Variants in CHRM3 observed in about 807,000 individuals in gnomAD.
CHRM3 encodes the protein muscarinic acetylcholine receptor M3.
A neutral mutation model predicts 41.8 loss-of-function variants in CHRM3; 11 were observed. The ratio of observed to expected loss-of-function variants is 0.26; its 90% confidence interval spans 0.17 to 0.44. The LOEUF (loss-of-function observed/expected upper bound fraction) is 0.44, where lower values mean the gene tolerates loss of function less well. CHRM3 is among the 20% of genes least tolerant of loss of function. The probability of loss-of-function intolerance (pLI) is 1.00; values close to 1 mark genes in which losing one functional copy is unlikely to be tolerated. For missense variants in CHRM3, 571 were observed against 745.4 expected, an observed-to-expected ratio of 0.77 and a Z score of 2.72; for synonymous variants, 297 against 301.4, an observed-to-expected ratio of 0.99 and a Z score of 0.15.
Position 239,690,046 on chromosome 1 carries a change from CAGAG to C in CHRM3, c.-147+11776_-147+11779del, listed in dbSNP as rs772849076. On this transcript the variant is annotated intron_variant, in intron 5 of 6. Coordinates refer to ENST00000676153, the MANE Select transcript of CHRM3 (RefSeq NM_001375978.1). The stretch of plus-strand genomic sequence containing the variant: ...AGAGAGAGAGACAGAGAGAGAGACA[CAGAG>C]AGAGAGAGAGAGAGAGACAGAGAGA... 1.7e-4 allele frequency among the ~76,000 whole-genome samples: 16 copies of C among 93,516 alleles called. 1 individual carries two copies. In the Middle Eastern group the frequency reaches 0.015, roughly 89 times the overall value. The allele number at this position is 93,516 out of a possible 152,430, so 61.4% of individuals were successfully genotyped here.
chr1:239,541,815 T>C (rs1658809637), intron 2 of CHRM3, among the ~76,000 whole-genome samples: 1 of 152,176 alleles, frequency 6.6e-6, no homozygotes, highest in African/African-American at 2.4e-5. Flanking sequence ...GCCCAGCCAA[T>C]TTTTTATATA....
intron 5 of CHRM3, among the ~76,000 whole-genome samples, chr1:239,814,960 G>C (rs1169410344): frequency 6.6e-6 from 1 of 151,894 alleles, no homozygotes; most frequent in Non-Finnish European, 1.5e-5. Flanking sequence ...ATTTTTAGTA[G>C]AGATGGGGTT....
At chr1:239,488,144 A>C (rs1667306037) in intron 1 of CHRM3, among the ~76,000 whole-genome samples, 1 of 152,182 alleles carries the variant, frequency 6.6e-6, no homozygotes, top group Non-Finnish European at 1.5e-5. Flanking sequence ...GTGCAAACTC[A>C]TGGGTAGGCA....
At chr1:239,444,391 C>T (rs1245541463) in intron 1 of CHRM3, among the ~76,000 whole-genome samples, 1 of 152,118 alleles carries the variant, frequency 6.6e-6, no homozygotes, top group Non-Finnish European at 1.5e-5. Context: ...ACATTTCATA[C>T]ACAACTGTAA....
chr1:239,695,350 A>G (rs1660090135), intron 5 of CHRM3, among the ~76,000 whole-genome samples: 1 of 152,128 alleles, frequency 6.6e-6, no homozygotes. Context: ...ATTTTTTAAT[A>G]TTTTGTATAG....
chr1:239,546,083 G>GC (rs1051723960), intron 3 of CHRM3: 10 of 152,212 alleles, frequency 6.6e-5, no homozygotes, highest in African/African-American at 2.2e-4. Context: ...TAGATCTGGT[G>GC]CCAATGTAAG....
chr1:239,836,414 G>A (rs1352678493), intron 6 of CHRM3, among the ~76,000 whole-genome samples: 3 of 152,028 alleles, frequency 2.0e-5, no homozygotes, highest in African/African-American at 4.8e-5. Flanking sequence ...GAATATAAAT[G>A]TATTTCAATT....
chr1:239,779,908 C>G lies in CHRM3; in HGVS notation c.-146-47344C>G, dbSNP rs180908249. ...GTAGTATGTAGCCTTTTCACATTGC[C>G]TTTTTTCCCTTAGTAACATGCATTT... On this transcript the variant is annotated intron_variant, in intron 5 of 6. Coordinates refer to ENST00000676153, the MANE Select transcript of CHRM3 (RefSeq NM_001375978.1). Among the ~76,000 whole-genome samples, 6 of 152,248 alleles carry G rather than the reference C, an allele frequency of 3.9e-5. No individual in the cohort carries two copies. In the East Asian group the frequency reaches 1.2e-3, roughly 29 times the overall value.
intron 2 of CHRM3, among the ~76,000 whole-genome samples, chr1:239,512,839 G>A (rs1214904181): frequency 4.0e-5 from 6 of 151,628 alleles, no homozygotes; most frequent in African/African-American, 1.4e-4. Context: ...TTAGAATCAA[G>A]ACTGTTGAAT....
intron 2 of CHRM3, among the ~76,000 whole-genome samples, chr1:239,530,673 G>A (rs1670341158): frequency 6.6e-6 from 1 of 152,208 alleles, no homozygotes; most frequent in South Asian, 2.1e-4. Context: ...TCCGTAAAGA[G>A]GCAGAAATTA....
chr1:239,551,353 G>C (rs1032366088), intron 3 of CHRM3, among the ~76,000 whole-genome samples: 1 of 151,014 alleles, frequency 6.6e-6, no homozygotes, highest in African/African-American at 2.4e-5. Context: ...GTAGAGACGG[G>C]GTTTCTCCAT....
intron 4 of CHRM3, among the ~76,000 whole-genome samples, chr1:239,660,075 A>C (rs1461750237): frequency 6.6e-6 from 1 of 152,174 alleles, no homozygotes; most frequent in Non-Finnish European, 1.5e-5. Context: ...ATCCTCCTGC[A>C]TCAGCCTCCC....
chr1:239,513,418 T>C (rs565406328), intron 2 of CHRM3, among the ~76,000 whole-genome samples: 1 of 152,328 alleles, frequency 6.6e-6, no homozygotes, highest in African/African-American at 2.4e-5. Context: ...TTGCCATCTG[T>C]GTGTCTTCTT....
intron 2 of CHRM3, among the ~76,000 whole-genome samples, chr1:239,495,283 T>C (rs1427534113): frequency 6.6e-6 from 1 of 152,150 alleles, no homozygotes. Context: ...GAAATCCATG[T>C]AGGCATTTGG....
chr1:239,552,978 C>T (rs971529520), intron 3 of CHRM3, among the ~76,000 whole-genome samples: 5 of 152,014 alleles, frequency 3.3e-5, no homozygotes, highest in African/African-American at 1.2e-4. Context: ...ACAATAATGG[C>T]CACCATACCC....
intron 6 of CHRM3, among the ~76,000 whole-genome samples, chr1:239,869,392 GA>G (rs1360819669): frequency 6.6e-6 from 1 of 152,162 alleles, no homozygotes; most frequent in Non-Finnish European, 1.5e-5. Flanking sequence ...CATCTGAAAA[GA>G]ACCCATAGTC....
intron 5 of CHRM3, among the ~76,000 whole-genome samples, chr1:239,787,333 G>C (rs1266392597): frequency 6.6e-6 from 1 of 152,082 alleles, no homozygotes; most frequent in Non-Finnish European, 1.5e-5. Context: ...CAGGGAGTTT[G>C]GTTAAAGCCA....
chr1:239,730,362 GT>G (rs1663850893), intron 5 of CHRM3: 1 of 151,958 alleles, frequency 6.6e-6, no homozygotes, highest in Non-Finnish European at 1.5e-5. Flanking sequence ...CATCCCCACA[GT>G]TTAATAGAGG....
intron 4 of CHRM3, among the ~76,000 whole-genome samples, chr1:239,641,675 G>T (rs1671169309): frequency 6.9e-6 from 1 of 144,142 alleles, no homozygotes; most frequent in African/African-American, 2.6e-5. Flanking sequence ...ACGTGAGATG[G>T]GTTTCCTGAA....
Sources: allele counts gnomAD v4.1 joint callset (sites outside exome capture counted in the v4.1 genomes callset), GRCh38; gene constraint gnomAD v4.1.1; transcripts MANE v1.5; gene names NCBI Gene and HGNC (gene_info 2026-07-23, HGNC 2026-07-21).